The following PSMD7 variants were observed in gnomAD, a reference collection of about 807,000 sequenced individuals.
PSMD7 encodes 26S proteasome non-ATPase regulatory subunit 7.
In PSMD7, 13 loss-of-function variants were observed where a neutral mutation model predicts 36.4. The ratio of observed to expected loss-of-function variants is 0.36; its 90% CI spans 0.23 to 0.57. The LOEUF (loss-of-function observed/expected upper bound fraction) is 0.57, where lower values mean the gene tolerates loss of function less well. Among genes scored for constraint, PSMD7 ranks in the 20% least tolerant of loss-of-function variants. The pLI, the probability that PSMD7 is intolerant of heterozygous loss-of-function variation, is 0.83. For missense variants in PSMD7, 298 were observed against 393.6 expected, an observed-to-expected ratio of 0.76 and a Z score of 2.06; for synonymous variants, 186 against 151.0, an observed-to-expected ratio of 1.23 and a Z score of -1.70.
rs1241924749 is a variant in PSMD7, at chr16:74,297,001, C to T, written c.74+13C>T. 2.5e-6 allele frequency: 4 copies of T among 1,609,358 alleles called. No individual in the cohort carries two copies. Among genetic ancestry groups the T allele is most frequent in the Admixed American group, 1.7e-5 (1 of 59,332 alleles). ...ATCATTTCAACCGGTGAGCGAGCGCCCTATAGCTGGGCCGGCGGCGCAGCC... is the reference window on the plus strand; with the variant it reads ...ATCATTTCAACCGGTGAGCGAGCGCTCTATAGCTGGGCCGGCGGCGCAGCC... On this transcript the variant is annotated intron_variant, in intron 1 of 6. Transcript: ENST00000219313.
chr16:74,305,141 A>C (rs2034185060), intron 6 of PSMD7, 148 bp from the exon 7 acceptor site: 2 of 1,027,364 alleles, frequency 1.9e-6, no homozygotes, highest in Non-Finnish European at 2.7e-6. Flanking sequence ...TGATAACGAA[A>C]TCTTTATCAA....
In PSMD7 at chr16:74,300,626, G is replaced by A. The variant is rs78789902; in HGVS notation, c.166+420G>A. 371 of 244,294 alleles carry A rather than the reference G, an allele frequency of 1.5e-3. 11 individuals are homozygous for A. In the East Asian group the frequency reaches 0.032, roughly 21 times the overall value. 15.1% of individuals were successfully genotyped at this position (244,294 alleles called of 1,614,324 possible). On this transcript the variant is annotated intron_variant, in intron 2 of 6. Coordinates refer to ENST00000219313, the MANE Select transcript of PSMD7 (RefSeq NM_002811.5). ...TGAATCCTTACAAGAACGTACCCAT[G>A]TATTACTTTAATGATTAAAGGAACA...
chr16:74,301,787 G>GCT, intron 4 of PSMD7, 135 bp downstream of exon 4: 1 of 678,622 alleles, frequency 1.5e-6, no homozygotes, highest in Non-Finnish European at 2.5e-6. Flanking sequence ...GATTTGTAGT[G>GCT]CTCTGTGAAG....
chr16:74,302,251 C>T lies in PSMD7; in HGVS notation c.397C>T (p.Leu133=). 6.2e-7 allele frequency: 1 copy of T among 1,614,084 alleles called. No individual in the cohort carries two copies. The highest frequency in any genetic ancestry group is 8.5e-7 in the Non-Finnish European group (1 of 1,180,016). The change falls in exon 5 of 7, where the codon CTG becomes TTG. Residue 133 remains leucine, a synonymous_variant. Coordinates refer to ENST00000219313, the MANE Select transcript of PSMD7 (RefSeq NM_002811.5). The part of the protein sequence containing the change: ...IIDVKPKDLG[L]PTEAYISVEE... ...TGATGTGAAGCCGAAGGACCTAGGGCTGCCTACAGAAGCGTACATTTCAGT... is the reference window on the plus strand; with the variant it reads ...TGATGTGAAGCCGAAGGACCTAGGGTTGCCTACAGAAGCGTACATTTCAGT...
At chr16:74,298,657 G>A (rs1446830078) in intron 1 of PSMD7, among the ~76,000 whole-genome samples, 1 of 151,934 alleles carries the variant, frequency 6.6e-6, no homozygotes, top group African/African-American at 2.4e-5. Context: ...GAGCTTAGGA[G>A]TTCAAGACCA....
Position 74,305,867 on chromosome 16 carries a change from C to T in PSMD7, c.*134C>T. 9.4e-7 allele frequency: 1 copy of T among 1,065,586 alleles called. No individual in the cohort carries two copies. Among genetic ancestry groups the T allele is most frequent in the East Asian group, 2.8e-5 (1 of 35,452 alleles). The allele number at this position is 1,065,586 out of a possible 1,614,324, so 66.0% of individuals were successfully genotyped here. ...CCAACAAGAGCTCTCTGCCTCCGGT[C>T]ACTCTTGCTGTGGTGCTACGTGGAA... On this transcript the variant is annotated 3_prime_UTR_variant, in exon 7 of 7. Coordinates refer to ENST00000219313, the MANE Select transcript of PSMD7 (RefSeq NM_002811.5).
At position 74,305,315 on chromosome 16, in the gene PSMD7, C is replaced by T. The variant is rs1162910329; in HGVS notation, c.557C>T (p.Thr186Ile). 6.2e-7 allele frequency: 1 copy of T among 1,612,362 alleles called. No individual in the cohort carries two copies. The highest frequency in any genetic ancestry group is 8.5e-7 in the Non-Finnish European group (1 of 1,179,012). ...GATATCAAAGACACGACGGTGGGCACTCTGTCCCAGCGGATCACAAACCAG... is the reference window on the plus strand; with the variant it reads ...GATATCAAAGACACGACGGTGGGCATTCTGTCCCAGCGGATCACAAACCAG... ...LRDIKDTTVG[T>I]LSQRITNQVH... Residue 186 changes from threonine (T) to isoleucine (I), a missense_variant, in exon 7 of 7, where the codon ACT becomes ATT. Transcript: ENST00000219313.
chr16:74,305,829 T>C lies in PSMD7; in HGVS notation c.*96T>C. 7.5e-7 allele frequency: 1 copy of C among 1,337,838 alleles called. No homozygotes were observed. The highest frequency in any genetic ancestry group is 9.6e-7 in the Non-Finnish European group (1 of 1,039,532). 82.9% of individuals were successfully genotyped at this position (1,337,838 alleles called of 1,614,324 possible). ...GGTTCTTTTTCACTTGACATGCTTA[T>C]TAGAAAGCTGACCCAACAAGAGCTC... On this transcript the variant is annotated 3_prime_UTR_variant, in exon 7 of 7. Coordinates refer to ENST00000219313, the MANE Select transcript of PSMD7 (RefSeq NM_002811.5).
chr16:74,305,680 AAAGAT>A lies in PSMD7; in HGVS notation c.926_930del (p.Asp309GlyfsTer4). On this transcript the variant is annotated frameshift_variant, in exon 7 of 7. Transcript: ENST00000219313. LOFTEE classifies it high-confidence loss of function. ...TAGGAAAGAGGACAAGGAGAAAGATAAAGATAAGGAAAAGAGTGATGTAAAGAAAG... is the reference window on the plus strand; with the variant it reads ...TAGGAAAGAGGACAAGGAGAAAGATAAAGGAAAAGAGTGATGTAAAGAAAG... The A allele has an allele frequency of 6.6e-7, 1 of 1,506,990 alleles. No homozygotes were observed. Among genetic ancestry groups the A allele is most frequent in the Non-Finnish European group, 8.9e-7 (1 of 1,125,872 alleles). The allele number at this position is 1,506,990 out of a possible 1,614,324, so 93.4% of individuals were successfully genotyped here. A position where few individuals can be genotyped will look rare whatever the true frequency, so the allele number is the denominator to read the frequency against.
At chr16:74,301,827 A>T (rs1190322344) in intron 4 of PSMD7, among the ~76,000 whole-genome samples, 175 bp downstream of exon 4, 1 of 152,140 alleles carries the variant, frequency 6.6e-6, no homozygotes, top group Non-Finnish European at 1.5e-5. Context: ...TTTGATAAAT[A>T]ATAGTTTATA....
At chr16:74,303,803 C>T (rs1297285216) in intron 5 of PSMD7, among the ~76,000 whole-genome samples, 1 of 151,740 alleles carries the variant, frequency 6.6e-6, no homozygotes, top group Non-Finnish European at 1.5e-5. Context: ...CTCACTGCAC[C>T]CTCCACCTCC....
Position 74,305,669 on chromosome 16 carries a change from A to G in PSMD7, c.911A>G (p.Lys304Arg). Reference sequence around the variant, plus strand: ...AGCAAAAAGGATAGGAAAGAGGACAAGGAGAAAGATAAAGATAAGGAAAAG... The same window carrying G: ...AGCAAAAAGGATAGGAAAGAGGACAGGGAGAAAGATAAAGATAAGGAAAAG... ...EESKKDRKED[K>R]EKDKDKEKSD... is the part of the protein sequence containing the mutation. The change falls in exon 7 of 7, where the codon AAG becomes AGG. Residue 304 changes from lysine (K) to arginine (R), a missense_variant. Coordinates refer to ENST00000219313, the MANE Select transcript of PSMD7 (RefSeq NM_002811.5). 6.5e-7 allele frequency: 1 copy of G among 1,528,612 alleles called. No individual in the cohort carries two copies. The highest frequency in any genetic ancestry group is 8.8e-7 in the Non-Finnish European group (1 of 1,136,630). 94.7% of individuals were successfully genotyped at this position (1,528,612 alleles called of 1,614,324 possible). A position where few individuals can be genotyped will look rare whatever the true frequency, so the allele number is the denominator to read the frequency against.
chr16:74,300,074 G>T (rs769189946), intron 1 of PSMD7, 41 bp from the exon 2 acceptor site: 6 of 1,532,912 alleles, frequency 3.9e-6, no homozygotes, highest in Non-Finnish European at 5.4e-6. Context: ...TCATGTTTCT[G>T]TGCGAGCCTA....
intron 2 of PSMD7, 125 bp from the exon 3 acceptor site, chr16:74,300,927 T>C: frequency 2.0e-6 from 1 of 502,088 alleles, no homozygotes; most frequent in East Asian, 3.4e-5. Context: ...AAAAAAATTT[T>C]TTAATACTTT....
Position 74,296,908 on chromosome 16 carries a change from T to A in PSMD7, c.-7T>A. On this transcript the variant is annotated 5_prime_UTR_variant, in exon 1 of 7. Coordinates refer to ENST00000219313, the MANE Select transcript of PSMD7 (RefSeq NM_002811.5). The stretch of plus-strand genomic sequence containing the variant: ...GGAGCCAGGCCTGGCGAGCGGGGTG[T>A]GTCGCGATGCCGGAGCTGGCAGTGC... 6.2e-7 allele frequency: 1 copy of A among 1,612,946 alleles called. No homozygotes were observed. The highest frequency in any genetic ancestry group is 8.5e-7 in the Non-Finnish European group (1 of 1,179,728).
In PSMD7 at chr16:74,305,526, G is replaced by A. The variant is rs749765258; in HGVS notation, c.768G>A (p.Gln256=). The stretch of plus-strand genomic sequence containing the variant: ...CCTTTTACCTGAAGACCAATGACCA[G>A]ATGGTGGTAGTGTACTTGGCCTCGC... The part of the protein sequence containing the change: ...VKAFYLKTND[Q]MVVVYLASLI... Residue 256 remains glutamine (Q), a synonymous_variant, in exon 7 of 7, where the codon CAG becomes CAA. Transcript: ENST00000219313. The A allele has an allele frequency of 1.4e-5, 22 of 1,614,160 alleles. No homozygotes were observed. Among genetic ancestry groups the A allele is most frequent in the Non-Finnish European group, 1.9e-5 (22 of 1,180,040 alleles).
At chr16:74,298,156 CAAA>C (rs75614540) in intron 1 of PSMD7, among the ~76,000 whole-genome samples, 40 of 72,772 alleles carry the variant, frequency 5.5e-4, no homozygotes, top group African/African-American at 1.9e-3. Flanking sequence ...ACCCTGTCTC[CAAA>C]AAAAAAAAAA....
rs2142559931 is a variant in PSMD7, at chr16:74,296,929, A to G, written c.15A>G (p.Ala5=). 6.2e-7 allele frequency: 1 copy of G among 1,613,498 alleles called. No homozygotes were observed. The highest frequency in any genetic ancestry group is 1.1e-5 in the South Asian group (1 of 90,906). Residue 5 remains alanine (A), a synonymous_variant, in exon 1 of 7, where the codon GCA becomes GCG. Coordinates refer to ENST00000219313, the MANE Select transcript of PSMD7 (RefSeq NM_002811.5). MPEL[A]VQKVVVHPLV... ...GGTGTGTCGCGATGCCGGAGCTGGC[A>G]GTGCAGAAGGTGGTGGTCCACCCCC...
At chr16:74,301,711 AAG>A in intron 4 of PSMD7, 59 bp downstream of exon 4, 1 of 1,388,634 alleles carries the variant, frequency 7.2e-7, no homozygotes, top group Non-Finnish European at 1.0e-6. Context: ...CAGCTCAAGT[AAG>A]AGCATCCTGG....
Sources: allele counts gnomAD v4.1 joint callset (sites outside exome capture counted in the v4.1 genomes callset), GRCh38; gene constraint gnomAD v4.1.1; transcripts MANE v1.5; gene names NCBI Gene and HGNC (gene_info 2026-07-23, HGNC 2026-07-21).